Variants in INTS12 observed in about 807,000 individuals in gnomAD.
The protein encoded by INTS12 is PHD finger protein 22.
INTS12 carries 13 observed loss-of-function variants against 41.6 expected under a neutral mutation model. The ratio of observed to expected loss-of-function variants is 0.31; its 90% CI spans 0.20 to 0.50. The LOEUF (loss-of-function observed/expected upper bound fraction) is 0.50, where lower values mean the gene tolerates loss of function less well. Ranked by LOEUF, INTS12 falls within the 20% of genes least tolerant of loss-of-function variation. The probability of loss-of-function intolerance (pLI) is 0.98; values close to 1 mark genes in which losing one functional copy is unlikely to be tolerated. For missense variants in INTS12, 432 were observed against 541.6 expected (o/e 0.80, Z 2.01); for synonymous variants, 199 against 191.4 (o/e 1.04, Z -0.33).
intron 7 of INTS12, among the ~76,000 whole-genome samples, chr4:105,685,468 G>A (rs1362347425): frequency 1.3e-5 from 2 of 152,022 alleles, no homozygotes; most frequent in African/African-American, 4.8e-5. Flanking sequence ...ATATGCCTTG[G>A]ATAGCAAATC....
chr4:105,695,184 C>T (rs1731818325), intron 4 of INTS12, among the ~76,000 whole-genome samples: 1 of 152,138 alleles, frequency 6.6e-6, no homozygotes. Context: ...CTGCCTCGGC[C>T]TCCCAAAGTG....
chr4:105,697,902 T>C (rs1000820461), intron 3 of INTS12, among the ~76,000 whole-genome samples: 2 of 151,918 alleles, frequency 1.3e-5, no homozygotes, highest in African/African-American at 4.8e-5. Context: ...ATAAAAAAAT[T>C]AGCCAAGCAT....
At chr4:105,696,328 A>G (rs934267914) in intron 3 of INTS12, among the ~76,000 whole-genome samples, 68 of 152,306 alleles carry the variant, frequency 4.5e-4, no homozygotes, top group African/African-American at 1.6e-3. Flanking sequence ...GTCTCCCATC[A>G]TCAAGCAAGA....
chr4:105,682,772 C>T lies in INTS12; in HGVS notation c.1350G>A (p.Met450Ile). 6.2e-7 allele frequency: 1 copy of T among 1,614,010 alleles called. No individual in the cohort carries two copies. Among genetic ancestry groups the T allele is most frequent in the Non-Finnish European group, 8.5e-7 (1 of 1,179,920 alleles). Residue 450 changes from methionine (M) to isoleucine (I), a missense_variant, in exon 8 of 8, where the codon ATG (methionine) becomes ATA (isoleucine). Coordinates refer to ENST00000340139, the MANE Select transcript of INTS12 (RefSeq NM_020395.4). ...TCTTTTGGGCAGCTTTCTTCTTGAC[C>T]ATCTGTAATCGCTTCATAGCATTGA... Reference protein sequence around the residue: ...SQLNAMKRLQMVKKKAAQKKL... With the variant: ...SQLNAMKRLQIVKKKAAQKKL...
chr4:105,703,596 C>T (rs1337261056), intron 2 of INTS12, 52 bp downstream of exon 2: 9 of 152,330 alleles, frequency 5.9e-5, no homozygotes, highest in African/African-American at 1.9e-4. Flanking sequence ...GCTAGCCATT[C>T]TCTCTCTGCC....
At chr4:105,701,221 C>T (rs1732059662) in intron 2 of INTS12, among the ~76,000 whole-genome samples, 1 of 145,234 alleles carries the variant, frequency 6.9e-6, no homozygotes, top group African/African-American at 2.7e-5. Flanking sequence ...AACACACATA[C>T]ACATCCCTAG....
intron 1 of INTS12, chr4:105,705,888 T>C (rs1220513025): frequency 6.6e-6 from 1 of 152,228 alleles, no homozygotes; most frequent in Non-Finnish European, 1.5e-5. Flanking sequence ...GAATGTAAGT[T>C]CCATGAAGGC....
At chr4:105,698,841 T>C (rs1457965410) in intron 3 of INTS12, among the ~76,000 whole-genome samples, 1 of 152,224 alleles carries the variant, frequency 6.6e-6, no homozygotes, top group African/African-American at 2.4e-5. Flanking sequence ...TCTCTTGAGC[T>C]TCAGATTCTG....
Position 105,692,022 on chromosome 4 carries a change from C to A in INTS12, c.611G>T (p.Arg204Leu). ...ACATCGGGCACAATACCACACCAGG[C>A]GAGGGTCATTCGCTTCCTTGTCTGT... ...QVTDKEANDPRLVWYCARCTR... is the reference protein window; with the variant it reads ...QVTDKEANDPLLVWYCARCTR... Residue 204 changes from arginine (R) to leucine (L), a missense_variant, in exon 6 of 8, where the codon CGC becomes CTC. Around this residue, in one of 3 missense-constraint regions of INTS12, gnomAD observed 258 missense variants for 309.9 expected, o/e 0.83. Transcript: ENST00000340139. The A allele has an allele frequency of 6.2e-7, 1 of 1,608,042 alleles. No homozygotes were observed. Among genetic ancestry groups the A allele is most frequent in the Non-Finnish European group, 8.5e-7 (1 of 1,177,388 alleles).
At chr4:105,702,383 G>T (rs1179598962) in intron 2 of INTS12, among the ~76,000 whole-genome samples, 2 of 151,872 alleles carry the variant, frequency 1.3e-5, no homozygotes, top group Non-Finnish European at 2.9e-5. Context: ...TGATCCACCC[G>T]CCTCGGCCTC....
chr4:105,698,224 T>C (rs1578388923), intron 3 of INTS12, among the ~76,000 whole-genome samples: 1 of 152,352 alleles, frequency 6.6e-6, no homozygotes, highest in East Asian at 1.9e-4. Flanking sequence ...TTAATGTAAA[T>C]GAATATCAAC....
intron 1 of INTS12, chr4:105,705,552 A>C (rs1029938017): frequency 2.0e-5 from 3 of 152,274 alleles, no homozygotes; most frequent in Non-Finnish European, 4.4e-5. Flanking sequence ...ATGATTAATA[A>C]TACATATAAA....
Position 105,703,027 on chromosome 4 carries a change from C to G in INTS12, c.-10+621G>C, listed in dbSNP as rs975410448. The G allele has an allele frequency of 1.4e-5, 14 of 984,672 alleles. No individual in the cohort carries two copies. In the African/African-American group the frequency reaches 2.3e-4, roughly 16 times the overall value. 61.0% of individuals were successfully genotyped at this position (984,672 alleles called of 1,614,324 possible). ...AACTTGGTGTAACTGTGTTGATCTA[C>G]ACATACAAAAATATTTTCCTGGAGT... On this transcript the variant is annotated intron_variant, in intron 2 of 7. Transcript: ENST00000340139.
rs756199076 is a variant in INTS12 at position 105,682,939 on chromosome 4, G to A, written c.1183C>T (p.Pro395Ser). 2 of 1,614,040 alleles carry A rather than the reference G, an allele frequency of 1.2e-6. No individual in the cohort carries two copies. Among genetic ancestry groups the A allele is most frequent in the Non-Finnish European group, 8.5e-7 (1 of 1,179,948 alleles). ...CCACTTAGTTGGCTGCTGCTTCCTG[G>A]AACTAAACTACTTGGACTAGGAAGA... ...VGLPSPSSLV[P>S]GSSSQLSGNG... Residue 395 changes from proline (P) to serine (S), a missense_variant, in exon 8 of 8, where the codon CCA becomes TCA. Transcript: ENST00000340139.
intron 6 of INTS12, among the ~76,000 whole-genome samples, chr4:105,688,553 TACTTGATTAC>T (rs2149179186): frequency 6.6e-6 from 1 of 152,316 alleles, no homozygotes; most frequent in African/African-American, 2.4e-5. Flanking sequence ...CACTGTTGAT[TACTTGATTAC>T]TGGTACTAGC....
At chr4:105,704,333 T>C (rs1419301272) in intron 1 of INTS12, among the ~76,000 whole-genome samples, 1 of 152,196 alleles carries the variant, frequency 6.6e-6, no homozygotes, top group Admixed American at 6.5e-5. Flanking sequence ...CAGTGCTAGG[T>C]TCTGGGTCTC....
chr4:105,699,778 G>T, intron 3 of INTS12, 72 bp downstream of exon 3: 1 of 982,612 alleles, frequency 1.0e-6, no homozygotes, highest in Non-Finnish European at 1.4e-6. Flanking sequence ...GTTTTGAGAT[G>T]GTCTATATGT....
At chr4:105,691,841 TATACATATAAATAA>T (rs1241351709) in intron 6 of INTS12, 121 bp downstream of exon 6, 2 of 613,318 alleles carry the variant, frequency 3.3e-6, no homozygotes, top group Non-Finnish European at 5.2e-6. Context: ...ATGTACATAC[TATACATATAAATAA>T]ATAATCAGCT....
intron 1 of INTS12, 57 bp from the exon 2 acceptor site, chr4:105,703,866 T>A (rs1231047800): frequency 6.6e-6 from 1 of 152,178 alleles, no homozygotes; most frequent in African/African-American, 2.4e-5. Context: ...TTCCAGCACA[T>A]CTACAAACTT....
Sources: allele counts gnomAD v4.1 joint callset (sites outside exome capture counted in the v4.1 genomes callset), GRCh38; gene constraint gnomAD v4.1.1; regional missense constraint gnomAD v4.1.1; transcripts MANE v1.5; gene names NCBI Gene and HGNC (gene_info 2026-07-23, HGNC 2026-07-21).